The following EPC1 variants were observed in gnomAD, a reference collection of about 807,000 sequenced individuals.
EPC1 encodes the protein enhancer of polycomb 1, also known as enhancer of polycomb homolog 1.
Under a neutral mutation model 98.4 loss-of-function variants are expected in EPC1, and 12 were observed. That is an observed-to-expected ratio of 0.12 (90% CI 0.08 to 0.20). The LOEUF is 0.20. Among genes scored for constraint, EPC1 ranks in the 10% least tolerant of loss-of-function variants. The pLI is 1.00. For synonymous variants in EPC1, 357 were observed against 363.9 expected (o/e 0.98, Z 0.21); for missense variants, 729 against 990.5 (o/e 0.74, Z 3.54).
At chr10:32,322,710 A>T (rs143925487) in intron 1 of EPC1, among the ~76,000 whole-genome samples, 1,556 of 152,314 alleles carry the variant, frequency 0.01, 16 homozygotes, top group Non-Finnish European at 0.017. Context: ...CAAATACTAT[A>T]ATGTGGCTAG....
intron 6 of EPC1, among the ~76,000 whole-genome samples, chr10:32,287,509 A>G (rs889401516): frequency 3.3e-5 from 5 of 152,210 alleles, no homozygotes; most frequent in Non-Finnish European, 7.4e-5. Context: ...TTCTGTTTCA[A>G]TTAAAAGGAG....
Position 32,284,805 on chromosome 10 carries a change from C to T in EPC1, c.1637G>A (p.Cys546Tyr), listed in dbSNP as rs1836587076. 4 of 1,614,166 alleles carry T rather than the reference C, an allele frequency of 2.5e-6. No homozygotes were observed. Among genetic ancestry groups the T allele is most frequent in the African/African-American group, 1.3e-5 (1 of 75,056 alleles). The part of the protein sequence containing the change: ...LHDSDNDELS[C>Y]RKLYRSINRT... Reference sequence around the variant, plus strand: ...GTTTATACTCCTATATAATTTTCTACAGGAGAGTTCATCATTGTCACTGTC... The same window carrying T: ...GTTTATACTCCTATATAATTTTCTATAGGAGAGTTCATCATTGTCACTGTC... Residue 546 changes from cysteine to tyrosine, a missense_variant, in exon 10 of 14, where the codon TGT becomes TAT. Physicochemically the swap from Cys to Tyr is radical, Grantham distance 194. Coordinates refer to ENST00000319778, the MANE Select transcript of EPC1 (RefSeq NM_001272004.3).
intron 6 of EPC1, among the ~76,000 whole-genome samples, chr10:32,290,505 A>AAAAAAAAAAAAAAAAAAAAAAAGAAAG (rs1554819136): frequency 5.2e-5 from 4 of 77,526 alleles, no homozygotes; most frequent in African/African-American, 2.2e-4. Context: ...AAAAAAAAAA[A>AAAAAAAAAAAAAAAAAAAAAAAGAAAG]AAAGAAAGAA....
chr10:32,330,679 G>A (rs910904097), intron 1 of EPC1, among the ~76,000 whole-genome samples: 3 of 152,124 alleles, frequency 2.0e-5, no homozygotes, highest in African/African-American at 7.2e-5. Flanking sequence ...ATTCCAGAAA[G>A]GATTTAAGGT....
intron 2 of EPC1, among the ~76,000 whole-genome samples, chr10:32,298,238 A>T (rs1835289635): frequency 6.6e-6 from 1 of 152,182 alleles, no homozygotes. Context: ...TTAGTAATAG[A>T]GATGGAATGT....
chr10:32,367,289 C>G (rs1839629101), intron 1 of EPC1, among the ~76,000 whole-genome samples: 1 of 152,218 alleles, frequency 6.6e-6, no homozygotes, highest in Non-Finnish European at 1.5e-5. Context: ...CCACACCCAG[C>G]CTTTCGCTAT....
At chr10:32,296,099 G>GTT (rs542131000) in intron 2 of EPC1, among the ~76,000 whole-genome samples, 3 of 145,726 alleles carry the variant, frequency 2.1e-5, no homozygotes, top group African/African-American at 7.5e-5. Context: ...AATTTTCGTA[G>GTT]TTTTTTTTTT....
upstream of EPC1, among the ~76,000 whole-genome samples, chr10:32,348,434 G>T (rs1263060147): frequency 6.6e-6 from 1 of 152,146 alleles, no homozygotes; most frequent in African/African-American, 2.4e-5. Context: ...TGGGAACTAC[G>T]TAGTAAAAGT....
At chr10:32,351,892 G>A (rs946080917), upstream of EPC1, among the ~76,000 whole-genome samples, 3 of 150,120 alleles carry the variant, frequency 2.0e-5, no homozygotes, top group Non-Finnish European at 4.4e-5. Flanking sequence ...CATCACGCCC[G>A]GCTAATTTTT....
chr10:32,378,395 C>A, intron 1 of EPC1: 4 of 989,700 alleles, frequency 4.0e-6, no homozygotes, highest in South Asian at 3.4e-5. Flanking sequence ...AAGAAAAATA[C>A]AAAGATTGGT....
chr10:32,312,265 C>A (rs2132856223), intron 1 of EPC1, among the ~76,000 whole-genome samples: 1 of 152,254 alleles, frequency 6.6e-6, no homozygotes, highest in African/African-American at 2.4e-5. Context: ...TACAAGAGCA[C>A]CTTGGCTGCT....
intron 1 of EPC1, among the ~76,000 whole-genome samples, chr10:32,310,497 C>A (rs1383609157): frequency 6.6e-6 from 1 of 152,084 alleles, no homozygotes; most frequent in East Asian, 1.9e-4. Context: ...ATGAATAGTT[C>A]TGTAGAAAAA....
At chr10:32,292,094 T>C (rs1367261630) in intron 5 of EPC1, 2 of 152,532 alleles carry the variant, frequency 1.3e-5, no homozygotes, top group Admixed American at 6.5e-5. Context: ...AAGTTTTCAT[T>C]GTGTACCTTG....
chr10:32,346,564 C>T (rs949914756), intron 1 of EPC1, 199 bp downstream of exon 1: 1 of 596,274 alleles, frequency 1.7e-6, no homozygotes, highest in Admixed American at 3.0e-5. Context: ...CAGCGGGTGG[C>T]CTTAGAAGGG....
intron 1 of EPC1, among the ~76,000 whole-genome samples, chr10:32,361,627 C>T (rs1220827215): frequency 1.3e-5 from 2 of 152,158 alleles, no homozygotes; most frequent in African/African-American, 4.8e-5. Context: ...AATCACCAGA[C>T]ACCCCCTATG....
chr10:32,326,968 A>G (rs1365606086), intron 1 of EPC1, among the ~76,000 whole-genome samples: 1 of 149,904 alleles, frequency 6.7e-6, no homozygotes, highest in Non-Finnish European at 1.5e-5. Context: ...CAGTACAGCC[A>G]TTACAGAAAA....
intron 10 of EPC1, among the ~76,000 whole-genome samples, chr10:32,279,327 G>A (rs944844324): frequency 2.0e-5 from 3 of 149,288 alleles, no homozygotes; most frequent in Admixed American, 6.7e-5. Flanking sequence ...CAGCCTGGGC[G>A]ACAGAGTGAG....
chr10:32,312,214 G>C (rs1345734353), intron 1 of EPC1, among the ~76,000 whole-genome samples: 1 of 152,170 alleles, frequency 6.6e-6, no homozygotes, highest in African/African-American at 2.4e-5. Context: ...TCGTGTCAAG[G>C]ATCTGTCCTT....
At chr10:32,332,847 T>C (rs1428212256) in intron 1 of EPC1, among the ~76,000 whole-genome samples, 1 of 152,204 alleles carries the variant, frequency 6.6e-6, no homozygotes, top group African/African-American at 2.4e-5. Flanking sequence ...CACTGCAATG[T>C]TGGATTGGCT....
Sources: gnomAD v4.1 joint callset for allele counts (sites outside exome capture counted in the v4.1 genomes callset) on GRCh38, gnomAD v4.1.1 for gene constraint, MANE v1.5 for transcripts, NCBI Gene and HGNC (gene_info 2026-07-23, HGNC 2026-07-21) for gene names.